Variants in CYP24A1 observed in about 807,000 individuals in gnomAD.
CYP24A1 encodes cytochrome P450 family 24 subfamily A member 1.
Under a neutral mutation model 62.4 loss-of-function variants are expected in CYP24A1, and 68 were observed. That is an observed-to-expected ratio of 1.09 (90% CI 0.90 to 1.33). The LOEUF (loss-of-function observed/expected upper bound fraction) is 1.33, where lower values mean the gene tolerates loss of function less well. Among genes scored for constraint, CYP24A1 ranks in the 40% most tolerant of loss-of-function variants. The probability of loss-of-function intolerance (pLI) is 0.00; values close to 1 mark genes in which losing one functional copy is unlikely to be tolerated. For missense variants in CYP24A1, 787 were observed against 653.0 expected, an observed-to-expected ratio of 1.21 and a Z score of -2.24; for synonymous variants, 267 against 253.0, an observed-to-expected ratio of 1.06 and a Z score of -0.52.
At position 54,159,070 on chromosome 20, in the gene CYP24A1, C is replaced by T; in HGVS notation, c.1044G>A (p.Val348=). The change falls in exon 8 of 12, where the codon GTG becomes GTA. Residue 348 remains valine (V), a synonymous_variant. Coordinates refer to ENST00000216862, the MANE Select transcript of CYP24A1 (RefSeq NM_000782.5). ...GAATTTCCTTAAGAAGCTTTTGTTG[C>T]ACTTGGGGATTACGGGATAAATTGT... The part of the protein sequence containing the change: ...ILYNLSRNPQ[V]QQKLLKEIQS... 2 of 1,613,990 alleles carry T rather than the reference C, an allele frequency of 1.2e-6. No individual in the cohort carries two copies. The highest frequency in any genetic ancestry group is 1.1e-5 in the South Asian group (1 of 91,080).
At chr20:54,162,445 G>A in intron 7 of CYP24A1, 1 of 315,530 alleles carries the variant, frequency 3.2e-6, no homozygotes, top group South Asian at 3.5e-5. Flanking sequence ...TGTCACTGGG[G>A]CACATGAAGT....
intron 2 of CYP24A1, chr20:54,171,997 G>A (rs1337121056): frequency 7.5e-6 from 3 of 397,836 alleles, no homozygotes; most frequent in Non-Finnish European, 9.4e-6. Flanking sequence ...ATTCCTAGCG[G>A]TAAAAGGGGG....
At position 54,171,679 on chromosome 20, in the gene CYP24A1, G is replaced by A; in HGVS notation, c.450-9C>T. On this transcript the variant is annotated splice_polypyrimidine_tract_variant and intron_variant, in intron 2 of 11. Coordinates refer to ENST00000216862, the MANE Select transcript of CYP24A1 (RefSeq NM_000782.5). ...GCCAGTCTTCCCCTTCCCTGTGAGA[G>A]AAGCAGGAATACATTTAGAGCACAC... The A allele has an allele frequency of 6.2e-7, 1 of 1,613,934 alleles. No individual in the cohort carries two copies. Among genetic ancestry groups the A allele is most frequent in the Non-Finnish European group, 8.5e-7 (1 of 1,179,912 alleles).
rs2092656875 is a variant in CYP24A1, at chr20:54,162,645, CTATTTAAAATCTGT to C, written c.990+58_990+71del. ...CCAGTGAAATGAATGAGATGAATTA[CTATTTAAAATCTGT>C]CATCTAAAAATGGTACAGACCGTTC... On this transcript the variant is annotated intron_variant, in intron 7 of 11. Coordinates refer to ENST00000216862, the MANE Select transcript of CYP24A1 (RefSeq NM_000782.5). 2.3e-5 allele frequency: 19 copies of C among 818,204 alleles called. No individual in the cohort carries two copies. The South Asian group carries it at 2.7e-4, about 12-fold the overall frequency. The allele number at this position is 818,204 out of a possible 1,614,324, so 50.7% of individuals were successfully genotyped here.
intron 7 of CYP24A1, among the ~76,000 whole-genome samples, chr20:54,162,220 C>CTTTTGTT (rs1568968780): frequency 1.5e-4 from 11 of 72,552 alleles, no homozygotes; most frequent in Admixed American, 3.4e-4. Context: ...GAGAGTATGC[C>CTTTTGTT]TTTTTTTTTT....
At chr20:54,161,871 A>G (rs938904743) in intron 7 of CYP24A1, among the ~76,000 whole-genome samples, 10 of 152,216 alleles carry the variant, frequency 6.6e-5, no homozygotes, top group African/African-American at 9.7e-5. Flanking sequence ...ACAGCACAGA[A>G]GGGGAAGCAC....
chr20:54,146,494 C>G, the CYP24A1 span, among the ~76,000 whole-genome samples: 1 of 152,076 alleles, frequency 6.6e-6, no homozygotes, highest in Non-Finnish European at 1.5e-5. Flanking sequence ...AGAAAAAAAG[C>G]ATTAACAATA....
At chr20:54,148,488 G>A (rs544711450), downstream of CYP24A1, among the ~76,000 whole-genome samples, 5 of 150,976 alleles carry the variant, frequency 3.3e-5, no homozygotes, top group African/African-American at 7.3e-5. Context: ...CCAAAATCTC[G>A]ATTTCTAAAT....
chr20:54,173,326 G>A lies in CYP24A1; in HGVS notation c.254C>T (p.Thr85Ile). The change falls in exon 1 of 12, where the codon ACC (threonine) becomes ATC (isoleucine). Residue 85 changes from threonine (T) to isoleucine (I), a missense_variant. Transcript: ENST00000216862. The surrounding 1 kb of genome is among the most constrained non-coding windows in gnomAD (Gnocchi z 7.2). Reference sequence around the variant, plus strand: ...GGGGCGCGAAAAGGGGTTTACCAGGGTGTCGTGCTGTTTCTTGAGACCCCC... The same window carrying A: ...GGGGCGCGAAAAGGGGTTTACCAGGATGTCGTGCTGTTTCTTGAGACCCCC... ...WKGGLKKQHD[T>I]LVEYHKKYGK... 6.2e-7 allele frequency: 1 copy of A among 1,608,526 alleles called. No individual in the cohort carries two copies.
intron 5 of CYP24A1, among the ~76,000 whole-genome samples, 166 bp from the exon 6 acceptor site, chr20:54,164,729 C>T (rs770533072): frequency 3.9e-5 from 6 of 152,064 alleles, no homozygotes; most frequent in Admixed American, 6.5e-5. Flanking sequence ...GAGCAATGCC[C>T]GTACCCCACC....
rs2092687733 is a variant in CYP24A1, at chr20:54,169,741, A to G, written c.544-53T>C. 1.1e-5 allele frequency: 17 copies of G among 1,611,180 alleles called. 1 individual carries two copies. The South Asian group carries it at 1.8e-4, about 17-fold the overall frequency. On this transcript the variant is annotated intron_variant, in intron 3 of 11. Coordinates refer to ENST00000216862, the MANE Select transcript of CYP24A1 (RefSeq NM_000782.5). Reference sequence around the variant, plus strand: ...CATTTTAAAGCCGTTGAAGGAAAACAAAACTTTAAAGCTCACTGAGCTAAC... The same window carrying G: ...CATTTTAAAGCCGTTGAAGGAAAACGAAACTTTAAAGCTCACTGAGCTAAC...
chr20:54,148,571 A>AAGATC, downstream of CYP24A1, among the ~76,000 whole-genome samples: 2 of 152,306 alleles, frequency 1.3e-5, no homozygotes, highest in East Asian at 3.9e-4. Context: ...GGTAAAGTAC[A>AAGATC]AGATCAGCCT....
At chr20:54,158,865 G>A (rs775249182) in intron 8 of CYP24A1, 92 bp downstream of exon 8, 15 of 1,602,062 alleles carry the variant, frequency 9.4e-6, no homozygotes, top group Non-Finnish European at 1.2e-5. Flanking sequence ...AATTAGCTAG[G>A]GGAAGCCGCC....
chr20:54,165,880 G>T, intron 4 of CYP24A1, 47 bp from the exon 5 acceptor site: 1 of 926,246 alleles, frequency 1.1e-6, no homozygotes, highest in Non-Finnish European at 1.8e-6. Context: ...CAATGCTGGA[G>T]TTGGAGTCTA....
At chr20:54,170,720 G>A (rs1179989220) in intron 3 of CYP24A1, among the ~76,000 whole-genome samples, 1 of 152,118 alleles carries the variant, frequency 6.6e-6, no homozygotes, top group Non-Finnish European at 1.5e-5. Context: ...GGAGGGGCAT[G>A]CACTATCACG....
the CYP24A1 span, among the ~76,000 whole-genome samples, chr20:54,146,364 T>C: frequency 4.6e-5 from 7 of 152,196 alleles, no homozygotes; most frequent in Non-Finnish European, 1.0e-4. Context: ...TTCAGAATGT[T>C]TCTTGATACT....
intron 7 of CYP24A1, among the ~76,000 whole-genome samples, chr20:54,162,234 T>TG (rs2092653559): frequency 7.6e-6 from 1 of 131,942 alleles, no homozygotes; most frequent in Non-Finnish European, 1.7e-5. Context: ...TTTTTTTTTT[T>TG]TTTTTTTTTT....
chr20:54,146,838 G>C, the CYP24A1 span, among the ~76,000 whole-genome samples: 2 of 152,178 alleles, frequency 1.3e-5, no homozygotes, highest in African/African-American at 4.8e-5. Context: ...TGATGACTAA[G>C]GGTTCTGCAA....
chr20:54,160,911 C>A (rs1217141407), intron 7 of CYP24A1, among the ~76,000 whole-genome samples: 3 of 152,228 alleles, frequency 2.0e-5, no homozygotes, highest in African/African-American at 7.2e-5. Context: ...CACAAACTAT[C>A]CTTGATTGAC....
Sources: gnomAD v4.1 joint callset for allele counts (sites outside exome capture counted in the v4.1 genomes callset) on GRCh38, gnomAD v4.1.1 for gene constraint, Gnocchi (gnomAD v3.1) non-coding constraint, MANE v1.5 for transcripts, NCBI Gene and HGNC (gene_info 2026-07-23, HGNC 2026-07-21) for gene names.